HDAC9: variants seen among roughly 807,000 people sequenced by gnomAD.
HDAC9 encodes histone deacetylase 9, also known as MEF-2 interacting transcription repressor (MITR) protein.
In HDAC9, 41 loss-of-function variants were observed where a neutral mutation model predicts 139.4. The ratio of observed to expected loss-of-function variants is 0.29; its 90% CI spans 0.23 to 0.38. The LOEUF (loss-of-function observed/expected upper bound fraction) is 0.38, where lower values mean the gene tolerates loss of function less well. Ranked by LOEUF, HDAC9 falls within the 10% of genes least tolerant of loss-of-function variation. HDAC9 has a pLI of 1.00. For synonymous variants in HDAC9, 517 were observed against 476.2 expected, an observed-to-expected ratio of 1.09 and a Z score of -1.12; for missense variants, 1,147 against 1,297.0, an observed-to-expected ratio of 0.88 and a Z score of 1.78.
intron 12 of HDAC9, among the ~76,000 whole-genome samples, chr7:18,722,935 A>AT (rs767992747): frequency 5.3e-5 from 8 of 152,084 alleles, no homozygotes; most frequent in East Asian, 3.9e-4. Context: ...AACATTTACC[A>AT]TTTTTTTTAA....
At chr7:18,446,321 A>C (rs2128098354) in intron 1 of HDAC9, among the ~76,000 whole-genome samples, 1 of 152,356 alleles carries the variant, frequency 6.6e-6, no homozygotes, top group Middle Eastern at 3.4e-3. Context: ...TCACTGCTTT[A>C]AACCCAGCCA....
chr7:18,179,592 T>C (rs1193097330), intron 2 of HDAC9, among the ~76,000 whole-genome samples: 1 of 152,208 alleles, frequency 6.6e-6, no homozygotes, highest in Non-Finnish European at 1.5e-5. Context: ...AAAATGGTGT[T>C]CACACTCATT....
At chr7:18,187,295 G>A (rs1789989937) in intron 2 of HDAC9, among the ~76,000 whole-genome samples, 1 of 152,146 alleles carries the variant, frequency 6.6e-6, no homozygotes. Flanking sequence ...TTATAAATGA[G>A]GATACTGAGG....
At chr7:18,366,325 T>G (rs1466938807) in intron 1 of HDAC9, among the ~76,000 whole-genome samples, 2 of 152,102 alleles carry the variant, frequency 1.3e-5, no homozygotes, top group African/African-American at 4.8e-5. Flanking sequence ...TCTGTGTGCT[T>G]TAGAAGAAAA....
At chr7:18,977,329 A>G (rs1009738513) in intron 25 of HDAC9, among the ~76,000 whole-genome samples, 1 of 152,210 alleles carries the variant, frequency 6.6e-6, no homozygotes, top group East Asian at 1.9e-4. Context: ...AACTGAGGAA[A>G]CTAACATCTG....
At chr7:18,323,574 C>T (rs1753896857) in intron 1 of HDAC9, among the ~76,000 whole-genome samples, 1 of 152,108 alleles carries the variant, frequency 6.6e-6, no homozygotes, top group African/African-American at 2.4e-5. Context: ...AAATTTGAAT[C>T]CCTGGAAGTG....
chr7:18,104,411 T>C (rs1783065421), intron 1 of HDAC9, among the ~76,000 whole-genome samples: 1 of 152,134 alleles, frequency 6.6e-6, no homozygotes, highest in African/African-American at 2.4e-5. Context: ...GAACACAATA[T>C]AATTAAACTT....
At chr7:18,117,824 G>A (rs766356549) in intron 1 of HDAC9, among the ~76,000 whole-genome samples, 7 of 152,206 alleles carry the variant, frequency 4.6e-5, no homozygotes, top group Non-Finnish European at 8.8e-5. Context: ...GCAGCCCTAG[G>A]AAAGGAATTC....
intron 22 of HDAC9, among the ~76,000 whole-genome samples, chr7:18,920,986 G>T (rs546001835): frequency 2.0e-5 from 3 of 152,032 alleles, no homozygotes; most frequent in Non-Finnish European, 4.4e-5. Context: ...ATGGGGAAAG[G>T]ATTCCCTATT....
chr7:18,613,368 C>T (rs1762399923), intron 6 of HDAC9, among the ~76,000 whole-genome samples: 1 of 151,964 alleles, frequency 6.6e-6, no homozygotes, highest in African/African-American at 2.4e-5. Flanking sequence ...TTTACTCACA[C>T]TTAACACTGG....
chr7:18,936,091 A>G lies in HDAC9; in HGVS notation c.2937+149A>G, dbSNP rs559609980. On this transcript the variant is annotated intron_variant, in intron 23 of 25. Transcript: ENST00000686413. ...GAAGGTAAGCCTTAGATAAGTTTAC[A>G]TGTTCTCGTATACTACAATGTTATC... The G allele has an allele frequency of 9.9e-6, 7 of 710,334 alleles. No homozygotes were observed. In the South Asian group the frequency reaches 1.2e-4, roughly 13 times the overall value. The allele number at this position is 710,334 out of a possible 1,614,324, so 44.0% of individuals were successfully genotyped here. A position where few individuals can be genotyped will look rare whatever the true frequency, so the allele number is the denominator to read the frequency against.
intron 2 of HDAC9, among the ~76,000 whole-genome samples, chr7:18,246,620 G>C (rs1794551628): frequency 1.3e-5 from 2 of 152,100 alleles, no homozygotes; most frequent in Admixed American, 1.3e-4. Context: ...CTGGAGTCTA[G>C]TAAGTGAAGG....
chr7:18,725,791 A>G (rs1034198543), intron 12 of HDAC9, among the ~76,000 whole-genome samples: 5 of 152,170 alleles, frequency 3.3e-5, no homozygotes, highest in African/African-American at 1.2e-4. Flanking sequence ...AGGAAGGACT[A>G]TATTAATCTT....
At chr7:18,330,386 A>G (rs1800825314) in intron 1 of HDAC9, among the ~76,000 whole-genome samples, 1 of 151,582 alleles carries the variant, frequency 6.6e-6, no homozygotes, top group African/African-American at 2.4e-5. Context: ...CTATTCCACT[A>G]TTAAAATTAA....
intron 6 of HDAC9, among the ~76,000 whole-genome samples, chr7:18,617,212 G>C (rs1265907103): frequency 6.6e-6 from 1 of 151,902 alleles, no homozygotes; most frequent in Non-Finnish European, 1.5e-5. Context: ...TCAATCCTTT[G>C]ACTTTCTAAA....
At chr7:18,831,690 G>A (rs1275547838) in intron 19 of HDAC9, among the ~76,000 whole-genome samples, 1 of 152,166 alleles carries the variant, frequency 6.6e-6, no homozygotes, top group African/African-American at 2.4e-5. Context: ...CTGCTGAGAA[G>A]GAAGTTTTAA....
intron 22 of HDAC9, among the ~76,000 whole-genome samples, chr7:18,905,310 A>G (rs987471933): frequency 6.6e-5 from 10 of 152,212 alleles, no homozygotes; most frequent in Non-Finnish European, 1.2e-4. Flanking sequence ...GCCTGCAGGC[A>G]CTTGAAGGTT....
At position 18,937,030 on chromosome 7, in the gene HDAC9, ATT is replaced by A. The variant is rs768350029; in HGVS notation, c.2937+1112_2937+1113del. Among the ~76,000 whole-genome samples the A allele has an allele frequency of 2.1e-3, 203 of 96,684 alleles. 1 individual carries two copies. Among genetic ancestry groups the A allele is most frequent in the East Asian group, 0.014 (43 of 3,126 alleles). 63.4% of individuals were successfully genotyped at this position (96,684 alleles called of 152,430 possible). A position where few individuals can be genotyped will look rare whatever the true frequency, so the allele number is the denominator to read the frequency against. On this transcript the variant is annotated intron_variant, in intron 23 of 25. Transcript: ENST00000686413. ...TTGCTCAAGTACTTTGCTCTTGTTA[ATT>A]TTTTTTTTTTTTTTTTTTTTTTTCT...
At chr7:18,240,975 A>G (rs972599378) in intron 2 of HDAC9, among the ~76,000 whole-genome samples, 18 of 152,176 alleles carry the variant, frequency 1.2e-4, no homozygotes, top group Non-Finnish European at 2.2e-4. Context: ...CTGAAGTTAA[A>G]TAGGACCAGT....
Sources: allele counts gnomAD v4.1 joint callset (sites outside exome capture counted in the v4.1 genomes callset), GRCh38; gene constraint gnomAD v4.1.1; transcripts MANE v1.5; gene names NCBI Gene and HGNC (gene_info 2026-07-23, HGNC 2026-07-21).